The following SPTBN4 variants were observed in gnomAD, a reference collection of about 807,000 sequenced individuals.
The protein encoded by SPTBN4 is spectrin beta, non-erythrocytic 4, also known as spectrin beta chain, non-erythrocytic 4.
A neutral mutation model predicts 277.8 loss-of-function variants in SPTBN4; 96 were observed. That is an observed-to-expected ratio of 0.35 (90% confidence interval 0.29 to 0.41). SPTBN4 has a LOEUF of 0.41. Among genes scored for constraint, SPTBN4 ranks in the 10% least tolerant of loss-of-function variants. The pLI is 1.00. For missense variants in SPTBN4, 3,006 were observed against 3,595.7 expected (o/e 0.84, Z 4.19); for synonymous variants, 1,481 against 1,580.3 (o/e 0.94, Z 1.49).
intron 13 of SPTBN4, among the ~76,000 whole-genome samples, chr19:40,511,274 G>A (rs145803613): frequency 0.015 from 2,308 of 152,056 alleles, 21 homozygotes; most frequent in East Asian, 0.054. Context: ...TGGACATGGT[G>A]GCACGCGCCT....
At chr19:40,544,572 C>T (rs975713502) in intron 20 of SPTBN4, among the ~76,000 whole-genome samples, 9 of 150,494 alleles carry the variant, frequency 6.0e-5, no homozygotes, top group Admixed American at 2.0e-4. Context: ...CTCAGGCTCC[C>T]GAGTAGCTGG....
chr19:40,536,843 T>C (rs2080742902), intron 20 of SPTBN4, among the ~76,000 whole-genome samples: 1 of 152,078 alleles, frequency 6.6e-6, no homozygotes, highest in Admixed American at 6.6e-5. Context: ...TGGACTGCAG[T>C]GGTGCAATCA....
rs562924157 is a variant in SPTBN4 at position 40,502,947 on chromosome 19, G to A, written c.1362+14G>A. 2.4e-5 allele frequency: 39 copies of A among 1,612,520 alleles called. No homozygotes were observed. In the Admixed American group the frequency reaches 2.8e-4, roughly 12 times the overall value. ...CTGGTCTCCCAGGTACAAGGTGTAG[G>A]GCTTGGCTCCAGGGTAAAGGGACGG... On this transcript the variant is annotated intron_variant, in intron 11 of 35. Transcript: ENST00000598249. This position sits in a 1 kb window ranked among gnomAD's most constrained non-coding sequence, Gnocchi z 4.9.
rs987155534 is a variant in SPTBN4, at chr19:40,560,588, T to C, written c.5915+185T>C. 3 of 1,463,022 alleles carry C rather than the reference T, an allele frequency of 2.1e-6. No individual in the cohort carries two copies. Among genetic ancestry groups the C allele is most frequent in the South Asian group, 2.8e-5 (2 of 70,888 alleles). The allele number at this position is 1,463,022 out of a possible 1,614,324, so 90.6% of individuals were successfully genotyped here. A position where few individuals can be genotyped will look rare whatever the true frequency, so the allele number is the denominator to read the frequency against. The stretch of plus-strand genomic sequence containing the variant: ...CAGACCCCTTTTTTAGGCCTGTCAT[T>C]GGGGACTTCGGTCATGGGGCATCCT... On this transcript the variant is annotated intron_variant, in intron 27 of 35. Coordinates refer to ENST00000598249, the MANE Select transcript of SPTBN4 (RefSeq NM_020971.3). The surrounding 1 kb of genome is among the most constrained non-coding windows in gnomAD (Gnocchi z 5.2).
At chr19:40,512,495 CCGGCATCTGATGAAGTCA>C in intron 13 of SPTBN4, 93 bp from the exon 14 acceptor site, 4 of 1,337,992 alleles carry the variant, frequency 3.0e-6, no homozygotes, top group Non-Finnish European at 3.9e-6. Flanking sequence ...GCCACGTGAC[CCGGCATCTGATGAAGTCA>C]CACCAAGGAC....
At chr19:40,562,935 A>G (rs996804413) in intron 27 of SPTBN4, among the ~76,000 whole-genome samples, 18 of 152,178 alleles carry the variant, frequency 1.2e-4, no homozygotes, top group Non-Finnish European at 2.9e-5. Flanking sequence ...AATCTAGCCA[A>G]AAGAGGTGGC....
Position 40,513,082 on chromosome 19 carries a change from C to T in SPTBN4, c.2293C>T (p.Arg765Ter). ...WQRLEEAAAR[R>*]ERRLQEARAL... Reference sequence around the variant, plus strand: ...GAGGCTGGAAGAGGCGGCGGCGCGGCGAGAGCGGCGGCTGCAGGAGGCGCG... The same window carrying T: ...GAGGCTGGAAGAGGCGGCGGCGCGGTGAGAGCGGCGGCTGCAGGAGGCGCG... Residue 765 changes from arginine (R) to a stop codon, truncating the protein, a stop_gained, in exon 14 of 36, where the codon CGA (arginine) becomes TGA (stop). Transcript: ENST00000598249. LOFTEE classifies it high-confidence loss of function. 7.1e-7 allele frequency: 1 copy of T among 1,412,748 alleles called. No homozygotes were observed. Among genetic ancestry groups the T allele is most frequent in the Non-Finnish European group, 9.2e-7 (1 of 1,091,028 alleles). 87.5% of individuals were successfully genotyped at this position (1,412,748 alleles called of 1,614,324 possible).
At chr19:40,528,432 T>G (rs1007478296) in intron 17 of SPTBN4, among the ~76,000 whole-genome samples, 4 of 152,208 alleles carry the variant, frequency 2.6e-5, no homozygotes, top group Non-Finnish European at 5.9e-5. Context: ...CCCCACACTC[T>G]GCTCTCTTCC....
rs536605964 is a variant in SPTBN4, at chr19:40,565,534, G to T, written c.6027G>T (p.Leu2009=). 3.7e-6 allele frequency: 6 copies of T among 1,614,112 alleles called. No individual in the cohort carries two copies. The African/African-American group carries it at 5.3e-5, about 14-fold the overall frequency. Reference sequence around the variant, plus strand: ...GCCAGGAGCTGGGGCGATCTCTGCTGCTCAACAAAAGTGCCATGGCTGATG... The same window carrying T: ...GCCAGGAGCTGGGGCGATCTCTGCTTCTCAACAAAAGTGCCATGGCTGATG... The part of the protein sequence containing the change: ...TTCQELGRSL[L]LNKSAMADEI... Residue 2009 remains leucine (L), a synonymous_variant, in exon 28 of 36, where the codon CTG becomes CTT. Coordinates refer to ENST00000598249, the MANE Select transcript of SPTBN4 (RefSeq NM_020971.3).
At chr19:40,559,861 A>T (rs1356270452) in intron 26 of SPTBN4, among the ~76,000 whole-genome samples, 2 of 152,214 alleles carry the variant, frequency 1.3e-5, no homozygotes, top group Non-Finnish European at 2.9e-5. Context: ...TTCCTGAAAG[A>T]CCCAAGGTAG....
intron 13 of SPTBN4, among the ~76,000 whole-genome samples, chr19:40,511,441 GCAA>G (rs958709951): frequency 1.1e-4 from 17 of 151,936 alleles, no homozygotes; most frequent in African/African-American, 3.6e-4. Flanking sequence ...AACAACAACA[GCAA>G]CAACAACAAA....
Position 40,575,521 on chromosome 19 carries a change from C to A in SPTBN4, c.7647C>A (p.Asn2549Lys). The A allele has an allele frequency of 3.1e-6, 5 of 1,613,108 alleles. No homozygotes were observed. Among genetic ancestry groups the A allele is most frequent in the South Asian group, 1.1e-5 (1 of 90,910 alleles). ...LPTTSSTDEG[N>K]PKREGGDRRA... ...CTACTTCATCCACAGATGAGGGCAA[C>A]CCTAAGAGGGAAGGCGGAGATCGCA... The change falls in exon 36 of 36, where the codon AAC (asparagine) becomes AAA (lysine). Residue 2549 changes from asparagine to lysine, a missense_variant. Physicochemically the swap from Asn to Lys is moderately conservative, Grantham distance 94. Around this residue, in one of 5 missense-constraint regions of SPTBN4, gnomAD observed 630 missense variants for 677.6 expected, o/e 0.93. Coordinates refer to ENST00000598249, the MANE Select transcript of SPTBN4 (RefSeq NM_020971.3).
intron 2 of SPTBN4, among the ~76,000 whole-genome samples, chr19:40,476,919 A>AG (rs2079955113): frequency 6.6e-6 from 1 of 151,656 alleles, no homozygotes; most frequent in Admixed American, 6.6e-5. Flanking sequence ...TTTGAGGAGG[A>AG]GGGGGTCTCT....
At chr19:40,528,814 G>A (rs2080625922) in intron 17 of SPTBN4, among the ~76,000 whole-genome samples, 1 of 151,244 alleles carries the variant, frequency 6.6e-6, no homozygotes, top group Admixed American at 6.6e-5. Context: ...TTCTTTCTAA[G>A]TGCCTGTCTC....
intron 2 of SPTBN4, among the ~76,000 whole-genome samples, chr19:40,484,840 A>G (rs2080052224): frequency 6.6e-6 from 1 of 151,926 alleles, no homozygotes; most frequent in African/African-American, 2.4e-5. Flanking sequence ...GCTGAGGCAG[A>G]AGAATGGCGT....
intron 2 of SPTBN4, among the ~76,000 whole-genome samples, chr19:40,479,824 G>C (rs2079989834): frequency 6.6e-6 from 1 of 151,416 alleles, no homozygotes; most frequent in South Asian, 2.1e-4. Context: ...ATATACAATG[G>C]GGTGTGGTGA....
chr19:40,500,003 G>A (rs1042471229), intron 7 of SPTBN4, among the ~76,000 whole-genome samples: 7 of 142,514 alleles, frequency 4.9e-5, no homozygotes, highest in Admixed American at 2.8e-4. Flanking sequence ...AGCACTTTGG[G>A]AGGTTAAGGC....
chr19:40,523,357 T>G, intron 16 of SPTBN4, 80 bp from the exon 17 acceptor site: 1 of 1,407,386 alleles, frequency 7.1e-7, no homozygotes, highest in Non-Finnish European at 9.7e-7. Context: ...CGGGGAGTGG[T>G]GGCAAGCCAG....
rs1471923860 is a variant in SPTBN4 at position 40,567,671 on chromosome 19, A to G, written c.6345A>G (p.Lys2115=). 1.3e-6 allele frequency: 2 copies of G among 1,526,442 alleles called. No homozygotes were observed. Among genetic ancestry groups the G allele is most frequent in the South Asian group, 2.4e-5 (2 of 81,914 alleles). The allele number at this position is 1,526,442 out of a possible 1,614,324, so 94.6% of individuals were successfully genotyped here. A position where few individuals can be genotyped will look rare whatever the true frequency, so the allele number is the denominator to read the frequency against. ...SSLRRLTTIE[K]IKAEQSKQPP... is the part of the protein sequence containing the mutation. The stretch of plus-strand genomic sequence containing the variant: ...GGTCCCTCCATCCTCAGATCGAGAA[A>G]ATCAAAGCGGAACAGAGCAAGCAGC... Residue 2115 remains lysine, a synonymous_variant, in exon 31 of 36, where the codon AAA becomes AAG. Transcript: ENST00000598249.
Sources: gnomAD v4.1 joint callset for allele counts (sites outside exome capture counted in the v4.1 genomes callset) on GRCh38, gnomAD v4.1.1 for gene constraint, gnomAD v4.1.1 regional missense constraint, Gnocchi (gnomAD v3.1) non-coding constraint, MANE v1.5 for transcripts, NCBI Gene and HGNC (gene_info 2026-07-23, HGNC 2026-07-21) for gene names.